RAP1GDS1: variants seen among roughly 807,000 people sequenced by gnomAD.
RAP1GDS1 encodes Rap1 GTPase-GDP dissociation stimulator 1, also known as RAP1, GTP-GDP dissociation stimulator 1.
RAP1GDS1 carries 35 observed loss-of-function variants against 71.1 expected under a neutral mutation model. The observed-to-expected ratio is 0.49, with a 90% CI of 0.38 to 0.65. RAP1GDS1 has a LOEUF of 0.65. Among genes scored for constraint, RAP1GDS1 ranks in the 30% least tolerant of loss-of-function variants. The pLI is 0.00. For synonymous variants in RAP1GDS1, 229 were observed against 243.1 expected (o/e 0.94, Z 0.54); for missense variants, 663 against 706.1 (o/e 0.94, Z 0.69).
intron 10 of RAP1GDS1, among the ~76,000 whole-genome samples, chr4:98,419,062 T>C (rs1162345301): frequency 6.6e-6 from 1 of 152,174 alleles, no homozygotes; most frequent in Non-Finnish European, 1.5e-5. Flanking sequence ...ATAGTTAAGC[T>C]TTTTTAAGTT....
At chr4:98,342,995 G>T (rs1002695546) in intron 2 of RAP1GDS1, 144 bp from the exon 3 acceptor site, 7 of 766,754 alleles carry the variant, frequency 9.1e-6, no homozygotes, top group African/African-American at 3.6e-5. Context: ...AGGTAATTTT[G>T]TATAAAGACA....
intron 12 of RAP1GDS1, among the ~76,000 whole-genome samples, chr4:98,423,680 G>A (rs1470716975): frequency 1.3e-5 from 2 of 152,058 alleles, no homozygotes; most frequent in Non-Finnish European, 2.9e-5. Context: ...GAGTAGCTAG[G>A]ATCACAGGCG....
chr4:98,298,549 T>A (rs570334797), intron 2 of RAP1GDS1, among the ~76,000 whole-genome samples: 2 of 152,284 alleles, frequency 1.3e-5, no homozygotes, highest in South Asian at 4.1e-4. Context: ...AAACAAAGTC[T>A]GGATGACAGC....
At chr4:98,262,212 G>A (rs1722112258) in intron 1 of RAP1GDS1, among the ~76,000 whole-genome samples, 1 of 152,226 alleles carries the variant, frequency 6.6e-6, no homozygotes, top group Admixed American at 6.5e-5. Context: ...TTAGTGCTGG[G>A]TGACTACAGT....
chr4:98,288,494 G>A (rs1365267696), intron 1 of RAP1GDS1, among the ~76,000 whole-genome samples: 2 of 152,126 alleles, frequency 1.3e-5, no homozygotes, highest in Admixed American at 6.6e-5. Context: ...GTAAACATAC[G>A]TGTGCATGTG....
At chr4:98,395,441 T>C (rs1365153431) in intron 6 of RAP1GDS1, among the ~76,000 whole-genome samples, 1 of 152,182 alleles carries the variant, frequency 6.6e-6, no homozygotes, top group Non-Finnish European at 1.5e-5. Flanking sequence ...ATGTATACCA[T>C]GCCAGCCTGT....
At chr4:98,301,614 G>A (rs1204441345) in intron 2 of RAP1GDS1, among the ~76,000 whole-genome samples, 4 of 152,130 alleles carry the variant, frequency 2.6e-5, no homozygotes, top group African/African-American at 9.7e-5. Context: ...TAAGACTCCA[G>A]AGACCACATG....
chr4:98,381,220 AAAGCTGCAGTTTGC>A (rs1170726177), intron 5 of RAP1GDS1, among the ~76,000 whole-genome samples: 2 of 151,530 alleles, frequency 1.3e-5, no homozygotes, highest in African/African-American at 4.8e-5. Flanking sequence ...CTTTATTTCA[AAAGCTGCAGTTTGC>A]AGCTTTTAAA....
intron 9 of RAP1GDS1, among the ~76,000 whole-genome samples, chr4:98,417,893 A>G (rs940285882): frequency 5.9e-5 from 9 of 152,160 alleles, no homozygotes; most frequent in African/African-American, 2.2e-4. Flanking sequence ...CTTAAGTATG[A>G]ATAATCCCCT....
intron 2 of RAP1GDS1, among the ~76,000 whole-genome samples, chr4:98,330,558 C>G (rs1733820086): frequency 6.8e-6 from 1 of 146,698 alleles, no homozygotes; most frequent in Non-Finnish European, 1.5e-5. Flanking sequence ...GGCGGCCGGA[C>G]AGAGGCGCTC....
At chr4:98,400,090 C>G (rs1240317825) in intron 6 of RAP1GDS1, among the ~76,000 whole-genome samples, 1 of 151,842 alleles carries the variant, frequency 6.6e-6, no homozygotes, top group Non-Finnish European at 1.5e-5. Context: ...GATGTTGAGT[C>G]AGGTTGCAGT....
intron 2 of RAP1GDS1, among the ~76,000 whole-genome samples, chr4:98,326,175 C>G (rs892733240): frequency 2.6e-5 from 4 of 152,038 alleles, no homozygotes; most frequent in East Asian, 1.9e-4. Context: ...TTAATTCTTC[C>G]CTCTTCCAAA....
rs576637289 is a variant in RAP1GDS1, at chr4:98,381,296, G to A, written c.508+2133G>A. Among the ~76,000 whole-genome samples the A allele has an allele frequency of 4.1e-4, 62 of 151,650 alleles. 1 individual carries two copies. The South Asian group carries it at 0.013, about 31-fold the overall frequency. ...TTGAGTATTTTTAAGAAACAAATGC[G>A]AAACTTGTAACTATCATCATCTTTC... On this transcript the variant is annotated intron_variant, in intron 5 of 14. Coordinates refer to ENST00000408927, the MANE Select transcript of RAP1GDS1 (RefSeq NM_001100427.2).
chr4:98,299,497 G>A (rs936476110), intron 2 of RAP1GDS1, among the ~76,000 whole-genome samples: 1 of 152,160 alleles, frequency 6.6e-6, no homozygotes, highest in African/African-American at 2.4e-5. Context: ...TGTAGATGTG[G>A]TAGAAATAGC....
rs181973925 is a variant in RAP1GDS1, at chr4:98,264,161, C to T, written c.4+2592C>T. Among the ~76,000 whole-genome samples the T allele has an allele frequency of 2.8e-3, 427 of 152,182 alleles. 1 individual carries two copies. The highest frequency in any genetic ancestry group is 4.3e-3 in the Non-Finnish European group (293 of 67,994). On this transcript the variant is annotated intron_variant, in intron 1 of 14. Transcript: ENST00000408927. ...GGGCGCGCACTTTGGGAGGCCGAGG[C>T]GGGCGGATCACCTGAGGTCAGGAGT...
At chr4:98,418,904 A>G (rs1409788896) in intron 10 of RAP1GDS1, 113 bp downstream of exon 10, 1 of 1,105,952 alleles carries the variant, frequency 9.0e-7, no homozygotes, top group Non-Finnish European at 1.2e-6. Context: ...TTTAAAAAAA[A>G]ATAGTCTTCA....
intron 5 of RAP1GDS1, among the ~76,000 whole-genome samples, chr4:98,386,367 A>C (rs1742753050): frequency 6.6e-6 from 1 of 151,906 alleles, no homozygotes; most frequent in Admixed American, 6.6e-5. Flanking sequence ...CTTCTGTTTT[A>C]CATCAATCTC....
intron 1 of RAP1GDS1, among the ~76,000 whole-genome samples, chr4:98,283,816 GAT>G (rs1491183755): frequency 2.2e-5 from 3 of 134,544 alleles, no homozygotes; most frequent in Non-Finnish European, 3.1e-5. Context: ...ATTTCATTGT[GAT>G]TTTTTTTTTT....
Position 98,442,049 on chromosome 4 carries a change from A to G in RAP1GDS1, c.1756A>G (p.Ser586Gly), listed in dbSNP as rs370930582. ...AFLDVVSKLRSHENKSVAQQA... is the reference protein window; with the variant it reads ...AFLDVVSKLRGHENKSVAQQA... ...TCTAGATGTCGTATCCAAACTTCGC[A>G]GTCATGAGAACAAAAGTGTTGCCCA... The change falls in exon 15 of 15, where the codon AGT becomes GGT. Residue 586 changes from serine (S) to glycine (G), a missense_variant. Coordinates refer to ENST00000408927, the MANE Select transcript of RAP1GDS1 (RefSeq NM_001100427.2). 1.4e-5 allele frequency: 22 copies of G among 1,614,120 alleles called. No homozygotes were observed. Among genetic ancestry groups the G allele is most frequent in the Middle Eastern group, 1.6e-4 (1 of 6,062 alleles).
Sources: allele counts gnomAD v4.1 joint callset (sites outside exome capture counted in the v4.1 genomes callset), GRCh38; gene constraint gnomAD v4.1.1; transcripts MANE v1.5; gene names NCBI Gene and HGNC (gene_info 2026-07-23, HGNC 2026-07-21).